The following MFAP5 variants were observed in gnomAD, a reference collection of about 807,000 sequenced individuals.
MFAP5 encodes the protein microfibrillar-associated protein 5.
A neutral mutation model predicts 30.1 loss-of-function variants in MFAP5; 19 were observed. The ratio of observed to expected loss-of-function variants is 0.63; its 90% CI spans 0.44 to 0.93. The LOEUF (loss-of-function observed/expected upper bound fraction) is 0.93. MFAP5 is among the 40% of genes least tolerant of loss of function. The probability of loss-of-function intolerance (pLI) is 0.00; values close to 1 mark genes in which losing one functional copy is unlikely to be tolerated. For missense variants in MFAP5, 210 were observed against 221.3 expected (o/e 0.95, Z 0.32); for synonymous variants, 92 against 72.9 (o/e 1.26, Z -1.33).
intron 9 of MFAP5, 44 bp downstream of exon 9, chr12:8,649,457 C>G: frequency 6.4e-7 from 1 of 1,567,808 alleles, no homozygotes; most frequent in Non-Finnish European, 8.8e-7. Flanking sequence ...ATCTACCCTT[C>G]TCATAACTGC....
chr12:8,661,218 G>C (rs1012160385), intron 2 of MFAP5, among the ~76,000 whole-genome samples: 24 of 152,156 alleles, frequency 1.6e-4, no homozygotes, highest in African/African-American at 5.8e-4. Context: ...CAGCTCCACT[G>C]AGAGGCCTGG....
At chr12:8,653,455 T>A (rs1941897347) in intron 6 of MFAP5, among the ~76,000 whole-genome samples, 1 of 152,112 alleles carries the variant, frequency 6.6e-6, no homozygotes, top group Non-Finnish European at 1.5e-5. Context: ...CAAATCTAAT[T>A]ATAATCTTAC....
chr12:8,650,862 T>G (rs772244257), intron 7 of MFAP5, among the ~76,000 whole-genome samples: 2 of 152,156 alleles, frequency 1.3e-5, no homozygotes, highest in Non-Finnish European at 2.9e-5. Flanking sequence ...TTTCTAGAAT[T>G]GTCCGTTATG....
rs201269065 is a variant in MFAP5 at position 8,648,095 on chromosome 12, A to T, written c.518T>A (p.Leu173Gln). ...TTCTTTCCTCTTTTTCAATGATCACAGACCATTGGGTCTCTGCAAATCCAC... is the reference window on the plus strand; with the variant it reads ...TTCTTTCCTCTTTTTCAATGATCACTGACCATTGGGTCTCTGCAAATCCAC... ...ENVDLQRPNGL is the reference protein window; with the variant it reads ...ENVDLQRPNGQ Residue 173 changes from leucine (L) to glutamine (Q), a missense_variant, in exon 10 of 10, where the codon CTG becomes CAG. Leu to Gln is a moderately radical substitution (Grantham distance 113). Coordinates refer to ENST00000359478, the MANE Select transcript of MFAP5 (RefSeq NM_003480.4). The T allele has an allele frequency of 2.5e-6, 4 of 1,609,698 alleles. No individual in the cohort carries two copies. The African/African-American group carries it at 5.3e-5, about 21-fold the overall frequency.
chr12:8,651,868 A>C (rs1941847982), intron 6 of MFAP5, 177 bp from the exon 7 acceptor site: 2 of 600,620 alleles, frequency 3.3e-6, no homozygotes, highest in East Asian at 2.8e-5. Context: ...GCTCCACAAA[A>C]TTGAAGACAT....
intron 3 of MFAP5, among the ~76,000 whole-genome samples, chr12:8,657,044 C>A (rs182547258): frequency 1.4e-4 from 22 of 152,184 alleles, no homozygotes; most frequent in African/African-American, 5.1e-4. Flanking sequence ...AAAAAGGAAA[C>A]TAATGAGGAT....
At chr12:8,657,151 T>G (rs1942024477) in intron 3 of MFAP5, among the ~76,000 whole-genome samples, 1 of 152,178 alleles carries the variant, frequency 6.6e-6, no homozygotes. Context: ...ACAATATAAT[T>G]TATATGTAAA....
At chr12:8,661,227 G>A (rs1019996467) in intron 2 of MFAP5, among the ~76,000 whole-genome samples, 4 of 152,130 alleles carry the variant, frequency 2.6e-5, no homozygotes, top group Admixed American at 6.5e-5. Flanking sequence ...TGAGAGGCCT[G>A]GCAGCCCTTC....
Position 8,647,817 on chromosome 12 carries a change from A to G in MFAP5, c.*274T>C, listed in dbSNP as rs765638633. On this transcript the variant is annotated 3_prime_UTR_variant, in exon 10 of 10. Transcript: ENST00000359478. ...GAAATTGTACATAGAATGTTTGTATATAAGCCATATAGTCATCATCTATTC... is the reference window on the plus strand; with the variant it reads ...GAAATTGTACATAGAATGTTTGTATGTAAGCCATATAGTCATCATCTATTC... 9.6e-6 allele frequency: 2 copies of G among 209,080 alleles called. No homozygotes were observed. The highest frequency in any genetic ancestry group is 2.3e-4 in the South Asian group (2 of 8,590). 13.0% of individuals were successfully genotyped at this position (209,080 alleles called of 1,614,324 possible). A position where few individuals can be genotyped will look rare whatever the true frequency, so the allele number is the denominator to read the frequency against.
chr12:8,649,107 G>A (rs760098607), intron 9 of MFAP5, among the ~76,000 whole-genome samples: 10 of 152,270 alleles, frequency 6.6e-5, no homozygotes, highest in Admixed American at 2.6e-4. Context: ...GTGCATGTGC[G>A]TGTGTATGTT....
rs201084452 is a variant in MFAP5 at position 8,662,018 on chromosome 12, G to A, written c.58+29C>T. ...CACGTGTATAGCTGAGGAGCTGAGG[G>A]TTTAGGGAGCAAAGAATAAAGGACT... is the stretch of plus-strand genomic sequence containing the variant. On this transcript the variant is annotated intron_variant, in intron 2 of 9. Coordinates refer to ENST00000359478, the MANE Select transcript of MFAP5 (RefSeq NM_003480.4). 3.7e-4 allele frequency: 594 copies of A among 1,606,712 alleles called. 2 individuals carry two copies. In the African/African-American group the frequency reaches 7.3e-3, roughly 20 times the overall value.
At chr12:8,658,139 A>G (rs1942054915) in intron 3 of MFAP5, among the ~76,000 whole-genome samples, 1 of 152,136 alleles carries the variant, frequency 6.6e-6, no homozygotes, top group Non-Finnish European at 1.5e-5. Flanking sequence ...ACTTGAGGTC[A>G]GGAGTTTGAG....
In MFAP5 at chr12:8,660,873, A is replaced by G; in HGVS notation, c.84T>C (p.Ser28=). 2.5e-6 allele frequency: 4 copies of G among 1,612,574 alleles called. No individual in the cohort carries two copies. The highest frequency in any genetic ancestry group is 3.4e-6 in the Non-Finnish European group (4 of 1,179,022). The part of the protein sequence containing the change: ...TSDWIPLGVN[S]QRGDDVTQAT... The stretch of plus-strand genomic sequence containing the variant: ...CAAGGGTTCACCTACCTCCTCGTTG[A>G]CTATTGACCCCCAGGGGTATCCAGT... The change falls in exon 3 of 10, where the codon AGT becomes AGC. Residue 28 remains serine (S), a synonymous_variant. Coordinates refer to ENST00000359478, the MANE Select transcript of MFAP5 (RefSeq NM_003480.4).
intron 1 of MFAP5, chr12:8,662,325 T>C: frequency 1.8e-6 from 1 of 546,068 alleles, no homozygotes; most frequent in Non-Finnish European, 3.2e-6. Context: ...TTATTCTTGC[T>C]TTTATTATTC....
At chr12:8,656,883 G>A (rs765401560) in intron 3 of MFAP5, among the ~76,000 whole-genome samples, 4 of 151,920 alleles carry the variant, frequency 2.6e-5, no homozygotes, top group Admixed American at 6.6e-5. Flanking sequence ...GGCCAGGCTG[G>A]TCTTGAACTC....
chr12:8,656,625 T>TACACACAC (rs1223209541), intron 3 of MFAP5, among the ~76,000 whole-genome samples: 10 of 121,278 alleles, frequency 8.2e-5, no homozygotes, highest in African/African-American at 3.7e-4. Flanking sequence ...TATACACACA[T>TACACACAC]ACACACACAC....
intron 6 of MFAP5, 139 bp downstream of exon 6, chr12:8,654,298 G>A (rs1941922116): frequency 1.3e-6 from 1 of 746,110 alleles, no homozygotes. Flanking sequence ...AATTTGAATT[G>A]AACTACTGGA....
At position 8,648,070 on chromosome 12, in the gene MFAP5, T is replaced by C; in HGVS notation, c.*21A>G. 1 of 1,579,336 alleles carries C rather than the reference T, an allele frequency of 6.3e-7. No individual in the cohort carries two copies. The highest frequency in any genetic ancestry group is 8.7e-7 in the Non-Finnish European group (1 of 1,149,450). On this transcript the variant is annotated 3_prime_UTR_variant, in exon 10 of 10. Transcript: ENST00000359478. ...CTTCCTCTCACCCATACATTTTTTC[T>C]TCTTTCCTCTTTTTCAATGATCACA...
rs140756881 is a variant in MFAP5, at chr12:8,658,823, C to T, written c.94+2040G>A. Among the ~76,000 whole-genome samples, 16 of 151,806 alleles carry T rather than the reference C, an allele frequency of 1.1e-4. 1 individual carries two copies. The highest frequency in any genetic ancestry group is 3.4e-4 in the African/African-American group (14 of 41,402). On this transcript the variant is annotated intron_variant, in intron 3 of 9. Coordinates refer to ENST00000359478, the MANE Select transcript of MFAP5 (RefSeq NM_003480.4). ...AGTTCTCTCTGAAAAAAAAAATTAA[C>T]GTATTTTCTTTTCCTTTTCTTTTTT... is the stretch of plus-strand genomic sequence containing the variant.
Sources: gnomAD v4.1 joint callset for allele counts (sites outside exome capture counted in the v4.1 genomes callset) on GRCh38, gnomAD v4.1.1 for gene constraint, MANE v1.5 for transcripts, NCBI Gene and HGNC (gene_info 2026-07-23, HGNC 2026-07-21) for gene names.